The following NDUFAF6 variants were observed in gnomAD, a reference collection of about 807,000 sequenced individuals.
The protein encoded by NDUFAF6 is NADH:ubiquinone oxidoreductase complex assembly factor 6, also known as NADH dehydrogenase (ubiquinone) complex I, assembly factor 6.
In NDUFAF6, 45 loss-of-function variants were observed where a neutral mutation model predicts 40.8. The ratio of observed to expected loss-of-function variants is 1.10; its 90% CI spans 0.87 to 1.42. The LOEUF (loss-of-function observed/expected upper bound fraction) is 1.42. NDUFAF6 is among the 40% of genes most tolerant of loss of function. The pLI is 0.00. For missense variants in NDUFAF6, 435 were observed against 418.5 expected (o/e 1.04, Z -0.34); for synonymous variants, 185 against 155.9 (o/e 1.19, Z -1.39).
At chr8:95,105,459 C>T (rs1335169823), downstream of NDUFAF6, among the ~76,000 whole-genome samples, 3 of 151,996 alleles carry the variant, frequency 2.0e-5, no homozygotes, top group Admixed American at 6.6e-5. Flanking sequence ...TTCTGGACTC[C>T]AGAGATCCTC....
chr8:95,080,645 T>TTTTCGGTAGTGTA (rs1808819235), downstream of NDUFAF6, among the ~76,000 whole-genome samples: 1 of 147,656 alleles, frequency 6.8e-6, no homozygotes, highest in African/African-American at 2.5e-5. Flanking sequence ...TTTGTAGTGA[T>TTTTCGGTAGTGTA]TTTTGGTAGT....
chr8:94,909,662 G>T (rs1818637169), intron 1 of NDUFAF6, among the ~76,000 whole-genome samples: 1 of 151,642 alleles, frequency 6.6e-6, no homozygotes, highest in Admixed American at 6.6e-5. Context: ...AGCCAGCCGG[G>T]CGTGGTAGCT....
At chr8:94,980,747 G>T (rs1825378739) in intron 1 of NDUFAF6, 1 of 296,094 alleles carries the variant, frequency 3.4e-6, no homozygotes, top group Non-Finnish European at 6.9e-6. Context: ...ACCGTGCTTG[G>T]CCTGTCAACT....
intron 2 of NDUFAF6, among the ~76,000 whole-genome samples, chr8:95,015,707 A>G (rs946577172): frequency 3.9e-5 from 6 of 152,390 alleles, no homozygotes; most frequent in Middle Eastern, 3.4e-3. Flanking sequence ...CCCTTCCTCA[A>G]GAGTGAGATG....
chr8:94,916,814 A>T (rs1321224758), intron 1 of NDUFAF6, among the ~76,000 whole-genome samples: 2 of 73,188 alleles, frequency 2.7e-5, no homozygotes, highest in African/African-American at 1.0e-4. Context: ...GAGACTCCAT[A>T]TCAAAAAAAA....
upstream of NDUFAF6, among the ~76,000 whole-genome samples, chr8:95,097,085 A>G (rs1587271867): frequency 6.6e-6 from 1 of 152,106 alleles, no homozygotes; most frequent in African/African-American, 2.4e-5. Context: ...CAGTGAACAG[A>G]CTCATTTGTA....
intron 7 of NDUFAF6, among the ~76,000 whole-genome samples, chr8:95,050,025 G>A (rs1346235676): frequency 6.6e-6 from 1 of 152,046 alleles, no homozygotes; most frequent in Non-Finnish European, 1.5e-5. Flanking sequence ...AACAGTTCTC[G>A]GCCCTGACAG....
chr8:95,014,605 GT>G (rs1271578195), intron 2 of NDUFAF6, among the ~76,000 whole-genome samples: 6 of 152,174 alleles, frequency 3.9e-5, no homozygotes, highest in Admixed American at 6.5e-5. Flanking sequence ...CAAGTTCCTG[GT>G]TTATGGTTTT....
upstream of NDUFAF6, among the ~76,000 whole-genome samples, chr8:95,099,600 A>G (rs1809588466): frequency 6.6e-6 from 1 of 152,074 alleles, no homozygotes; most frequent in South Asian, 2.1e-4. Flanking sequence ...AAAAAGAAAA[A>G]GAAAGAAAAA....
At chr8:95,034,785 C>T (rs1829287151) in intron 2 of NDUFAF6, 1 of 152,270 alleles carries the variant, frequency 6.6e-6, no homozygotes, top group South Asian at 2.1e-4. Flanking sequence ...TACTAATAAG[C>T]AGCCTGTGAG....
At chr8:94,910,333 A>G (rs1222012263) in intron 1 of NDUFAF6, among the ~76,000 whole-genome samples, 2 of 152,010 alleles carry the variant, frequency 1.3e-5, no homozygotes, top group Non-Finnish European at 2.9e-5. Context: ...TTGTATTTTT[A>G]GTAGAGACAG....
chr8:95,088,575 C>T (rs11784746), intron 2 of NDUFAF6, among the ~76,000 whole-genome samples: 21,842 of 152,010 alleles, frequency 0.14, 1,843 homozygotes, highest in Non-Finnish European at 0.2. Flanking sequence ...AGCCCATTCC[C>T]CTTTTTGACA....
intron 8 of NDUFAF6, among the ~76,000 whole-genome samples, chr8:95,054,458 G>A (rs1157246371): frequency 3.3e-5 from 5 of 150,060 alleles, no homozygotes; most frequent in Non-Finnish European, 7.4e-5. Flanking sequence ...TTTTTGAGAC[G>A]GAGTCTTGCT....
intron 3 of NDUFAF6, 37 bp downstream of exon 3, chr8:95,035,613 A>G (rs757261594): frequency 1.9e-6 from 3 of 1,586,112 alleles, no homozygotes; most frequent in Non-Finnish European, 2.6e-6. Context: ...ATTTGTATGA[A>G]TATTATTCGA....
chr8:94,907,518 A>G (rs1004778664), intron 1 of NDUFAF6, among the ~76,000 whole-genome samples: 4 of 152,238 alleles, frequency 2.6e-5, no homozygotes, highest in Admixed American at 6.5e-5. Flanking sequence ...ATCTAAAGCC[A>G]TAACAGTTTA....
chr8:95,033,979 G>A (rs1330104665), intron 2 of NDUFAF6: 4 of 457,716 alleles, frequency 8.7e-6, no homozygotes, highest in Non-Finnish European at 1.8e-5. Context: ...TGAGCAGAGA[G>A]ACATCACCTC....
upstream of NDUFAF6, among the ~76,000 whole-genome samples, chr8:95,097,989 G>A (rs11782021): frequency 0.23 from 34,286 of 152,000 alleles, 4,837 homozygotes; most frequent in African/African-American, 0.4. Context: ...GGGTTGCTAC[G>A]CAACAGTAAG....
In NDUFAF6 at chr8:95,001,396, G is replaced by C. The variant is rs568380958; in HGVS notation, c.-84+20423G>C. 3.9e-4 allele frequency among the ~76,000 whole-genome samples: 59 copies of C among 152,176 alleles called. No individual in the cohort carries two copies. In the South Asian group the frequency reaches 0.012, roughly 30 times the overall value. The stretch of plus-strand genomic sequence containing the variant: ...GCCAGAGCTTCATCATCCCCACCTC[G>C]AGAGAGCTAGTTTAATCCAGGAGAG... On this transcript the variant is annotated intron_variant, in intron 2 of 9. Coordinates refer to the NDUFAF6 transcript ENST00000396111.
In NDUFAF6 at chr8:95,036,482, T is replaced by C; in HGVS notation, c.420+906T>C. Reference sequence around the variant, plus strand: ...CCAACTGGGGATTGAGAAGAAAAAGTGGATGGGAAGCTGTGAGTATTAGAT... The same window carrying C: ...CCAACTGGGGATTGAGAAGAAAAAGCGGATGGGAAGCTGTGAGTATTAGAT... On this transcript the variant is annotated intron_variant, in intron 3 of 8. Coordinates refer to ENST00000396124, the MANE Select transcript of NDUFAF6 (RefSeq NM_152416.4). 2.3e-6 allele frequency: 3 copies of C among 1,289,350 alleles called. No individual in the cohort carries two copies. In the South Asian group the frequency reaches 3.7e-5, roughly 16 times the overall value. 79.9% of individuals were successfully genotyped at this position (1,289,350 alleles called of 1,614,324 possible).
Sources: allele counts gnomAD v4.1 joint callset (sites outside exome capture counted in the v4.1 genomes callset), GRCh38; gene constraint gnomAD v4.1.1; transcripts MANE v1.5; gene names NCBI Gene and HGNC (gene_info 2026-07-23, HGNC 2026-07-21).